Variants in SIPA1L1 observed in about 807,000 individuals in gnomAD.
The protein encoded by SIPA1L1 is signal-induced proliferation-associated 1-like protein 1.
SIPA1L1 carries 26 observed loss-of-function variants against 162.7 expected under a neutral mutation model. The observed-to-expected ratio is 0.16, with a 90% CI of 0.12 to 0.22. SIPA1L1 has a LOEUF of 0.22. Among genes scored for constraint, SIPA1L1 ranks in the 10% least tolerant of loss-of-function variants. The pLI is 1.00. For missense variants in SIPA1L1, 1,874 were observed against 2,241.0 expected (o/e 0.84, Z 3.31); for synonymous variants, 829 against 837.4 (o/e 0.99, Z 0.17).
chr14:71,345,859 C>T (rs1016668457), intron 2 of SIPA1L1, among the ~76,000 whole-genome samples: 7 of 151,826 alleles, frequency 4.6e-5, no homozygotes, highest in South Asian at 2.1e-4. Context: ...TGAGCCACTG[C>T]GCCTGGCACC....
chr14:71,327,083 T>G (rs2033911932), intron 2 of SIPA1L1, among the ~76,000 whole-genome samples: 1 of 149,748 alleles, frequency 6.7e-6, no homozygotes, highest in Non-Finnish European at 1.5e-5. Context: ...TTGAAATCTT[T>G]TTTTTTTTTT....
chr14:71,590,078 TAC>T (rs1219395207), intron 5 of SIPA1L1, among the ~76,000 whole-genome samples: 204 of 130,210 alleles, frequency 1.6e-3, no homozygotes, highest in African/African-American at 4.7e-3. Flanking sequence ...TATATATATG[TAC>T]ACACACACAC....
At chr14:71,455,604 TATTTA>T (rs1285224588) in intron 2 of SIPA1L1, among the ~76,000 whole-genome samples, 6 of 152,308 alleles carry the variant, frequency 3.9e-5, no homozygotes, top group Non-Finnish European at 7.3e-5. Flanking sequence ...TTACCATTAT[TATTTA>T]ATTTAATTTA....
intron 9 of SIPA1L1, 36 bp downstream of exon 9, chr14:71,658,472 T>C: frequency 1.5e-6 from 2 of 1,321,298 alleles, no homozygotes; most frequent in Non-Finnish European, 2.2e-6. Context: ...TTTTCACCCT[T>C]GTTTCATTTC....
At chr14:71,708,797 A>G (rs1170094237) in intron 16 of SIPA1L1, among the ~76,000 whole-genome samples, 1 of 152,212 alleles carries the variant, frequency 6.6e-6, no homozygotes, top group African/African-American at 2.4e-5. Flanking sequence ...AGGTCTCTCT[A>G]GACATAAGTC....
chr14:71,733,496 C>T (rs1472118162), intron 20 of SIPA1L1, among the ~76,000 whole-genome samples, 170 bp from the exon 21 acceptor site: 2 of 152,188 alleles, frequency 1.3e-5, no homozygotes, highest in South Asian at 2.1e-4. Context: ...TAGAGGAAGC[C>T]GATTCCTATT....
rs916042254 is a variant in SIPA1L1 at position 71,368,051 on chromosome 14, T to C, written c.-465+46870T>C. ...ACTCAAGTCAGAATAGAACTTAGAC[T>C]TTTTCGTTGTTGTTAGAAAATATAC... is the stretch of plus-strand genomic sequence containing the variant. On this transcript the variant is annotated intron_variant, in intron 2 of 23. Transcript: ENST00000381232. Among the ~76,000 whole-genome samples, 13 of 151,644 alleles carry C rather than the reference T, an allele frequency of 8.6e-5. 1 individual carries two copies. The South Asian group carries it at 1.9e-3, about 22-fold the overall frequency.
rs58827391 is a variant in SIPA1L1 at position 71,708,029 on chromosome 14, G to GT, written c.3766-1176dup. On this transcript the variant is annotated intron_variant, in intron 16 of 23. Transcript: ENST00000381232. Reference sequence around the variant, plus strand: ...TGTTTTTTGGTGTTTTTTTTTTTTTGTTTTTTTTTTTTTTTTTGGAGAAAT... The same window carrying GT: ...TGTTTTTTGGTGTTTTTTTTTTTTTGTTTTTTTTTTTTTTTTTTGGAGAAAT... 9.3e-3 allele frequency among the ~76,000 whole-genome samples: 765 copies of GT among 82,090 alleles called. 4 individuals are homozygous for GT. Among genetic ancestry groups the GT allele is most frequent in the Non-Finnish European group, 0.014 (643 of 46,562 alleles). The allele number at this position is 82,090 out of a possible 152,430, so 53.9% of individuals were successfully genotyped here.
intron 2 of SIPA1L1, among the ~76,000 whole-genome samples, chr14:71,433,360 G>A (rs919597969): frequency 3.3e-5 from 5 of 152,092 alleles, no homozygotes; most frequent in South Asian, 2.1e-4. Flanking sequence ...TCTCTTTTCC[G>A]GACTGGAGTG....
chr14:71,536,284 T>G (rs1170981701), intron 4 of SIPA1L1, among the ~76,000 whole-genome samples: 1 of 152,234 alleles, frequency 6.6e-6, no homozygotes. Flanking sequence ...TCAGGATAAC[T>G]TAGTATGCCA....
At chr14:71,372,075 G>A (rs1013918535) in intron 2 of SIPA1L1, among the ~76,000 whole-genome samples, 1 of 152,168 alleles carries the variant, frequency 6.6e-6, no homozygotes, top group Admixed American at 6.5e-5. Flanking sequence ...CCACAGTTCA[G>A]ATATTATGAT....
In SIPA1L1 at chr14:71,739,216, T is replaced by C; in HGVS notation, c.*55T>C. On this transcript the variant is annotated 3_prime_UTR_variant, in exon 24 of 24. Transcript: ENST00000381232. ...CAGACACTCCCTCCAGTGAGTGTCC[T>C]GCAGCCCTTATTCCCTCCATAGAAA... 1 of 1,509,776 alleles carries C rather than the reference T, an allele frequency of 6.6e-7. No individual in the cohort carries two copies. The highest frequency in any genetic ancestry group is 1.3e-5 in the South Asian group (1 of 77,564). The allele number at this position is 1,509,776 out of a possible 1,614,324, so 93.5% of individuals were successfully genotyped here. A position where few individuals can be genotyped will look rare whatever the true frequency, so the allele number is the denominator to read the frequency against.
At chr14:71,506,843 T>A (rs780069875) in intron 2 of SIPA1L1, among the ~76,000 whole-genome samples, 1 of 151,706 alleles carries the variant, frequency 6.6e-6, no homozygotes, top group Non-Finnish European at 1.5e-5. Context: ...TTTTTTTTCT[T>A]CTTTGACACA....
In SIPA1L1 at chr14:71,402,969, A is replaced by G. The variant is rs918880873; in HGVS notation, c.-465+81788A>G. On this transcript the variant is annotated intron_variant, in intron 2 of 23. Coordinates refer to ENST00000381232, the MANE Select transcript of SIPA1L1 (RefSeq NM_001386936.1). ...GTCCCCCTCTCCCTCCACATTTGGA[A>G]TAGGTAGCCATCTTTAAAATAACAT... Among the ~76,000 whole-genome samples, 3 of 152,178 alleles carry G rather than the reference A, an allele frequency of 2.0e-5. No homozygotes were observed. The South Asian group carries it at 6.2e-4, about 32-fold the overall frequency.
chr14:71,334,602 T>C (rs2034893401), intron 2 of SIPA1L1, among the ~76,000 whole-genome samples: 2 of 152,184 alleles, frequency 1.3e-5, no homozygotes, highest in Non-Finnish European at 2.9e-5. Flanking sequence ...AAGTAATTTA[T>C]TTAGGTGGGA....
rs1461524535 is a variant in SIPA1L1, at chr14:71,502,218, A to C, written c.-464-10525A>C. Among the ~76,000 whole-genome samples the C allele has an allele frequency of 2.2e-5, 3 of 139,334 alleles. No homozygotes were observed. The South Asian group carries it at 6.7e-4, about 31-fold the overall frequency. 91.4% of individuals were successfully genotyped at this position (139,334 alleles called of 152,430 possible). ...TTTATTTGGCTATTTTGGTTTTACT[A>C]TCATGAGAGCCTTTGAGATACTTGA... is the stretch of plus-strand genomic sequence containing the variant. On this transcript the variant is annotated intron_variant, in intron 2 of 23. Coordinates refer to ENST00000381232, the MANE Select transcript of SIPA1L1 (RefSeq NM_001386936.1).
Position 71,467,562 on chromosome 14 carries a change from T to C in SIPA1L1, c.-464-45181T>C, listed in dbSNP as rs539332582. ...GTAATTTAAAAACGTAATTGTGGTT[T>C]GCATTGTGCCCAGTTTTCAAAAAAG... On this transcript the variant is annotated intron_variant, in intron 2 of 23. Coordinates refer to ENST00000381232, the MANE Select transcript of SIPA1L1 (RefSeq NM_001386936.1). 6.8e-4 allele frequency among the ~76,000 whole-genome samples: 103 copies of C among 152,330 alleles called. 1 individual carries two copies. The highest frequency in any genetic ancestry group is 2.4e-3 in the African/African-American group (101 of 41,580).
intron 2 of SIPA1L1, among the ~76,000 whole-genome samples, chr14:71,374,885 G>T (rs1299173905): frequency 2.6e-5 from 4 of 151,850 alleles, no homozygotes; most frequent in African/African-American, 4.8e-5. Flanking sequence ...CTAAGTTTTG[G>T]TCAAGCCATC....
chr14:71,672,180 T>C (rs2044601600), intron 11 of SIPA1L1, among the ~76,000 whole-genome samples, 168 bp from the exon 12 acceptor site: 1 of 152,190 alleles, frequency 6.6e-6, no homozygotes, highest in Non-Finnish European at 1.5e-5. Flanking sequence ...AGTATATTCC[T>C]TTTGGCCTAA....
Sources: gnomAD v4.1 joint callset for allele counts (sites outside exome capture counted in the v4.1 genomes callset) on GRCh38, gnomAD v4.1.1 for gene constraint, MANE v1.5 for transcripts, NCBI Gene and HGNC (gene_info 2026-07-23, HGNC 2026-07-21) for gene names.